DPYD: variants seen among roughly 807,000 people sequenced by gnomAD.
The protein encoded by DPYD is dihydropyrimidine dehydrogenase [NADP(+)].
A neutral mutation model predicts 116.2 loss-of-function variants in DPYD; 109 were observed. The observed-to-expected ratio is 0.94, with a 90% CI of 0.80 to 1.10. The LOEUF (loss-of-function observed/expected upper bound fraction) is 1.10. Ranked by LOEUF, DPYD falls within the 50% of genes least tolerant of loss-of-function variation. The probability of loss-of-function intolerance (pLI) is 0.00; values close to 1 mark genes in which losing one functional copy is unlikely to be tolerated. For missense variants in DPYD, 1,302 were observed against 1,254.5 expected, an observed-to-expected ratio of 1.04 and a Z score of -0.57; for synonymous variants, 440 against 432.0, an observed-to-expected ratio of 1.02 and a Z score of -0.23.
chr1:97,411,738 T>C (rs1031563684), intron 14 of DPYD, among the ~76,000 whole-genome samples: 20 of 152,202 alleles, frequency 1.3e-4, no homozygotes, highest in Non-Finnish European at 5.9e-5. Flanking sequence ...TCAAAATGTT[T>C]CTTCTCAGAA....
At chr1:97,248,908 A>G (rs1177413256) in intron 18 of DPYD, among the ~76,000 whole-genome samples, 1 of 152,182 alleles carries the variant, frequency 6.6e-6, no homozygotes, top group Non-Finnish European at 1.5e-5. Context: ...TAAGATCTGT[A>G]CACTAAAAAT....
chr1:97,088,130 T>C (rs1325313000), intron 21 of DPYD, among the ~76,000 whole-genome samples: 1 of 152,182 alleles, frequency 6.6e-6, no homozygotes, highest in Admixed American at 6.5e-5. Flanking sequence ...ATAATCAAAT[T>C]TGTACTTGTC....
intron 21 of DPYD, among the ~76,000 whole-genome samples, chr1:97,085,326 A>T (rs1338578528): frequency 6.6e-6 from 1 of 152,190 alleles, no homozygotes; most frequent in Non-Finnish European, 1.5e-5. Flanking sequence ...ATGCCTTAGA[A>T]ATTTTACGTG....
intron 2 of DPYD, among the ~76,000 whole-genome samples, chr1:97,874,423 T>C (rs1671804672): frequency 6.6e-6 from 1 of 151,910 alleles, no homozygotes; most frequent in African/African-American, 2.4e-5. Flanking sequence ...GTTTACATAA[T>C]TTACTTGCAG....
At chr1:97,316,975 T>C (rs747212823) in intron 16 of DPYD, among the ~76,000 whole-genome samples, 1 of 151,854 alleles carries the variant, frequency 6.6e-6, no homozygotes, top group Non-Finnish European at 1.5e-5. Context: ...ACAGGTTCCA[T>C]AGGCCTATCT....
rs552298243 is a variant in DPYD, at chr1:97,810,775, G to A, written c.233+17339C>T. Among the ~76,000 whole-genome samples, 3 of 152,126 alleles carry A rather than the reference G, an allele frequency of 2.0e-5. No individual in the cohort carries two copies. The East Asian group carries it at 5.8e-4, about 29-fold the overall frequency. ...TTTTTAAAAATTCTACAATTATGGT[G>A]ATATATCTCAAAAGCTTAATTATTT... On this transcript the variant is annotated intron_variant, in intron 3 of 22. Coordinates refer to ENST00000370192, the MANE Select transcript of DPYD (RefSeq NM_000110.4).
chr1:97,140,431 T>C (rs975412474), intron 20 of DPYD, among the ~76,000 whole-genome samples: 8 of 151,980 alleles, frequency 5.3e-5, no homozygotes, highest in African/African-American at 1.9e-4. Flanking sequence ...GAGCAGAAGG[T>C]ATCACCAGGG....
chr1:97,446,605 T>C (rs2101779102), intron 14 of DPYD, among the ~76,000 whole-genome samples: 1 of 152,356 alleles, frequency 6.6e-6, no homozygotes, highest in East Asian at 1.9e-4. Context: ...CATTTCCTTT[T>C]CTATCTTCAC....
At chr1:97,903,525 T>C (rs1673465840) in intron 1 of DPYD, among the ~76,000 whole-genome samples, 1 of 151,914 alleles carries the variant, frequency 6.6e-6, no homozygotes, top group Non-Finnish European at 1.5e-5. Context: ...AATCAATATC[T>C]AACATGGACA....
intron 5 of DPYD, among the ~76,000 whole-genome samples, chr1:97,710,720 G>GA (rs146722577): frequency 0.06 from 9,005 of 151,098 alleles, 383 homozygotes; most frequent in African/African-American, 0.11. Flanking sequence ...ACACCAGTAT[G>GA]AAAAAAAACA....
At chr1:97,617,891 G>C (rs1196248110) in intron 8 of DPYD, among the ~76,000 whole-genome samples, 3 of 152,124 alleles carry the variant, frequency 2.0e-5, no homozygotes, top group African/African-American at 7.2e-5. Flanking sequence ...GAAATAAGGA[G>C]AAACTTTTAT....
chr1:97,097,707 A>G (rs1487546922), intron 21 of DPYD, among the ~76,000 whole-genome samples: 2 of 152,140 alleles, frequency 1.3e-5, no homozygotes, highest in Non-Finnish European at 2.9e-5. Flanking sequence ...TGGATACATG[A>G]ACCTCCATAC....
At chr1:97,323,361 C>T (rs1250314801) in intron 16 of DPYD, among the ~76,000 whole-genome samples, 2 of 115,462 alleles carry the variant, frequency 1.7e-5, no homozygotes, top group Non-Finnish European at 3.6e-5. Flanking sequence ...TATATGTACA[C>T]GTATGTATAC....
chr1:97,238,986 C>T (rs1037654109), intron 18 of DPYD, among the ~76,000 whole-genome samples: 3 of 152,056 alleles, frequency 2.0e-5, no homozygotes, highest in Admixed American at 6.6e-5. Flanking sequence ...GCTGCAGGTT[C>T]GAACAAACAA....
intron 12 of DPYD, among the ~76,000 whole-genome samples, chr1:97,533,845 A>G (rs1649813376): frequency 6.6e-6 from 1 of 152,190 alleles, no homozygotes; most frequent in Admixed American, 6.5e-5. Flanking sequence ...TCACTTCAAA[A>G]TAGAAATAAC....
intron 4 of DPYD, among the ~76,000 whole-genome samples, chr1:97,730,832 A>T (rs186303818): frequency 2.0e-5 from 3 of 152,030 alleles, no homozygotes; most frequent in African/African-American, 7.2e-5. Flanking sequence ...ACATCGAAAC[A>T]CTAATACAAA....
chr1:97,548,477 C>T (rs1298012684), intron 12 of DPYD, among the ~76,000 whole-genome samples: 1 of 152,172 alleles, frequency 6.6e-6, no homozygotes, highest in East Asian at 1.9e-4. Flanking sequence ...TGGCTTATGT[C>T]TGTAATCCCA....
intron 20 of DPYD, among the ~76,000 whole-genome samples, chr1:97,113,082 T>C (rs1281175824): frequency 1.3e-5 from 2 of 152,186 alleles, no homozygotes; most frequent in Admixed American, 6.6e-5. Flanking sequence ...CAGAACATTG[T>C]GGTCAAAGCC....
chr1:97,458,415 T>A (rs1676820964), intron 13 of DPYD, among the ~76,000 whole-genome samples: 1 of 152,150 alleles, frequency 6.6e-6, no homozygotes, highest in Non-Finnish European at 1.5e-5. Context: ...TGATTTTTTC[T>A]AAAAGATGCA....
Sources: allele counts gnomAD v4.1 joint callset (sites outside exome capture counted in the v4.1 genomes callset), GRCh38; gene constraint gnomAD v4.1.1; transcripts MANE v1.5; gene names NCBI Gene and HGNC (gene_info 2026-07-23, HGNC 2026-07-21).